Variants in SCN8A observed in about 807,000 individuals in gnomAD.
SCN8A encodes the protein sodium voltage-gated channel alpha subunit 8, also known as sodium channel protein type 8 subunit alpha.
SCN8A carries 30 observed loss-of-function variants against 184.1 expected under a neutral mutation model. The observed-to-expected ratio is 0.16, with a 90% CI of 0.12 to 0.22. The LOEUF (loss-of-function observed/expected upper bound fraction) is 0.22, where lower values mean the gene tolerates loss of function less well. Ranked by LOEUF, SCN8A falls within the 10% of genes least tolerant of loss-of-function variation. SCN8A has a pLI of 1.00. For synonymous variants in SCN8A, 852 were observed against 907.0 expected, an observed-to-expected ratio of 0.94 and a Z score of 1.09; for missense variants, 1,057 against 2,498.9, an observed-to-expected ratio of 0.42 and a Z score of 12.30.
chr12:51,721,965 G>C (rs1273545945), intron 12 of SCN8A, 57 bp downstream of exon 12: 5 of 1,598,906 alleles, frequency 3.1e-6, no homozygotes, highest in Non-Finnish European at 4.2e-6. Flanking sequence ...CAAATAGATC[G>C]AGGCTAGGCA....
chr12:51,766,055 T>G, intron 16 of SCN8A, 28 bp downstream of exon 16: 1 of 1,568,684 alleles, frequency 6.4e-7, no homozygotes, highest in Non-Finnish European at 8.8e-7. Flanking sequence ...GATATTTTTG[T>G]TCTACACCCT....
intron 26 of SCN8A, among the ~76,000 whole-genome samples, chr12:51,797,855 C>A (rs1011270685): frequency 1.3e-5 from 2 of 152,172 alleles, no homozygotes; most frequent in African/African-American, 4.8e-5. Flanking sequence ...TTAATGGAAT[C>A]ATTGTTGTGT....
chr12:51,700,174 A>AAC (rs1941661759), intron 7 of SCN8A, among the ~76,000 whole-genome samples: 1 of 146,926 alleles, frequency 6.8e-6, no homozygotes, highest in East Asian at 1.9e-4. Context: ...CCATCTCAAA[A>AAC]AAAAAAACAA....
chr12:51,788,452 G>A (rs748357262), intron 22 of SCN8A: 12 of 296,126 alleles, frequency 4.1e-5, no homozygotes, highest in African/African-American at 1.3e-4. Context: ...GAGTCCTTTC[G>A]TAAAGCCTTA....
In SCN8A at chr12:51,706,492, G is replaced by C; in HGVS notation, c.1412G>C (p.Gly471Ala). 1.2e-6 allele frequency: 2 copies of C among 1,606,482 alleles called. No individual in the cohort carries two copies. Among genetic ancestry groups the C allele is most frequent in the Non-Finnish European group, 1.7e-6 (2 of 1,176,480 alleles). The change falls in exon 11 of 27, where the codon GGG becomes GCG. Residue 471 changes from glycine to alanine, a missense_variant. By Grantham distance (60) the Gly-to-Ala change is moderately conservative. Around this residue, in one of 19 missense-constraint regions of SCN8A, gnomAD observed 322 missense variants for 390.1 expected, o/e 0.83. Coordinates refer to ENST00000627620, the MANE Select transcript of SCN8A (RefSeq NM_001330260.2). Reference protein sequence around the residue: ...DAIEEEGEEGGGSPRSSSEIS... With the variant: ...DAIEEEGEEGAGSPRSSSEIS... ...ATAGAGGAAGAAGGTGAAGAAGGAGGGGGCTCCCCTCGGAGCTCTTCTGAA... is the reference window on the plus strand; with the variant it reads ...ATAGAGGAAGAAGGTGAAGAAGGAGCGGGCTCCCCTCGGAGCTCTTCTGAA...
chr12:51,669,053 A>T (rs751666518), intron 2 of SCN8A, among the ~76,000 whole-genome samples: 2 of 152,206 alleles, frequency 1.3e-5, no homozygotes, highest in African/African-American at 2.4e-5. Context: ...TGCTGTAGAC[A>T]TTTGTAACAC....
At chr12:51,648,076 A>G (rs1940630329) in intron 1 of SCN8A, among the ~76,000 whole-genome samples, 1 of 152,180 alleles carries the variant, frequency 6.6e-6, no homozygotes. Flanking sequence ...GGTGGGGGCC[A>G]CTGACTCATG....
At position 51,794,626 on chromosome 12, in the gene SCN8A, A is replaced by C. The variant is rs752829853; in HGVS notation, c.4780A>C (p.Ile1594Leu). The C allele has an allele frequency of 4.2e-5, 68 of 1,613,798 alleles. No homozygotes were observed. The highest frequency in any genetic ancestry group is 5.7e-5 in the Non-Finnish European group (67 of 1,179,862). ...GWNIFDFVVVILSIVGMFLAD... is the reference protein window; with the variant it reads ...GWNIFDFVVVLLSIVGMFLAD... Reference sequence around the variant, plus strand: ...GAACATCTTCGACTTCGTGGTAGTCATCCTCTCCATTGTGGGTGAGTGGGG... The same window carrying C: ...GAACATCTTCGACTTCGTGGTAGTCCTCCTCTCCATTGTGGGTGAGTGGGG... The change falls in exon 26 of 27, where the codon ATC (isoleucine) becomes CTC (leucine). Residue 1594 changes from isoleucine (I) to leucine (L), a missense_variant. Coordinates refer to ENST00000627620, the MANE Select transcript of SCN8A (RefSeq NM_001330260.2).
At chr12:51,644,872 C>T (rs1261037516) in intron 1 of SCN8A, among the ~76,000 whole-genome samples, 1 of 151,430 alleles carries the variant, frequency 6.6e-6, no homozygotes, top group Non-Finnish European at 1.5e-5. Flanking sequence ...GTGAGGAGAC[C>T]CTCTGCCTGG....
intron 1 of SCN8A, among the ~76,000 whole-genome samples, chr12:51,635,514 G>A (rs1470614551): frequency 2.0e-5 from 3 of 152,088 alleles, no homozygotes; most frequent in African/African-American, 7.3e-5. Flanking sequence ...CAACTGAAGG[G>A]GACATTCTGG....
chr12:51,623,125 C>T (rs1239492238), intron 1 of SCN8A, among the ~76,000 whole-genome samples: 2 of 152,050 alleles, frequency 1.3e-5, no homozygotes, highest in East Asian at 1.9e-4. Flanking sequence ...TTCCTTGCCC[C>T]GGCTCTAGAA....
chr12:51,734,282 G>A (rs955840740), intron 12 of SCN8A, among the ~76,000 whole-genome samples: 92 of 152,210 alleles, frequency 6.0e-4, no homozygotes, highest in African/African-American at 2.1e-3. Context: ...ATAGAGGTGT[G>A]AAGTGGGAAA....
chr12:51,756,811 C>T (rs921131314), intron 14 of SCN8A, among the ~76,000 whole-genome samples: 1 of 152,180 alleles, frequency 6.6e-6, no homozygotes. Context: ...CTACAGCCTT[C>T]AGGACTGAGT....
At chr12:51,598,768 C>A (rs1444767574) in intron 1 of SCN8A, among the ~76,000 whole-genome samples, 2 of 152,182 alleles carry the variant, frequency 1.3e-5, no homozygotes, top group African/African-American at 4.8e-5. Flanking sequence ...TTCCTGCATA[C>A]ATACATGCAC....
rs577197149 is a variant in SCN8A at position 51,672,239 on chromosome 12, A to C, written c.276+9146A>C. On this transcript the variant is annotated intron_variant, in intron 2 of 26. Transcript: ENST00000627620. ...AGAGGAGGGTTTACTCACCACATAC[A>C]CATATCTACCCACTCCTCCATCCTT... Among the ~76,000 whole-genome samples the C allele has an allele frequency of 2.4e-4, 36 of 152,176 alleles. No individual in the cohort carries two copies. In the South Asian group the frequency reaches 7.3e-3, roughly 31 times the overall value.
chr12:51,695,113 C>G (rs1158684908), intron 6 of SCN8A, among the ~76,000 whole-genome samples: 1 of 152,132 alleles, frequency 6.6e-6, no homozygotes, highest in Non-Finnish European at 1.5e-5. Flanking sequence ...TTCTCATTTT[C>G]TCTTGGTGAT....
intron 1 of SCN8A, among the ~76,000 whole-genome samples, chr12:51,654,252 A>G (rs569365357): frequency 6.6e-6 from 1 of 152,282 alleles, no homozygotes; most frequent in South Asian, 2.1e-4. Context: ...TGTCATGTCT[A>G]AGAAATCATT....
intron 12 of SCN8A, among the ~76,000 whole-genome samples, chr12:51,726,147 G>T (rs983384572): frequency 6.6e-6 from 1 of 152,198 alleles, no homozygotes; most frequent in Admixed American, 6.5e-5. Context: ...ATTGAGTGTT[G>T]AGATTTTTTG....
intron 26 of SCN8A, among the ~76,000 whole-genome samples, chr12:51,801,509 C>T (rs371888129): frequency 4.6e-5 from 7 of 152,246 alleles, no homozygotes; most frequent in African/African-American, 1.7e-4. Flanking sequence ...TACATTAAAC[C>T]AAGGGAGATC....
Sources: gnomAD v4.1 joint callset for allele counts (sites outside exome capture counted in the v4.1 genomes callset) on GRCh38, gnomAD v4.1.1 for gene constraint, gnomAD v4.1.1 regional missense constraint, MANE v1.5 for transcripts, NCBI Gene and HGNC (gene_info 2026-07-23, HGNC 2026-07-21) for gene names.